RALGPS2: variants seen among roughly 807,000 people sequenced by gnomAD.
RALGPS2 encodes ras-specific guanine nucleotide-releasing factor RalGPS2.
In RALGPS2, 43 loss-of-function variants were observed where a neutral mutation model predicts 86.8. That is an observed-to-expected ratio of 0.50 (90% confidence interval 0.39 to 0.64). RALGPS2 has a LOEUF of 0.64. RALGPS2 is among the 30% of genes least tolerant of loss of function. RALGPS2 has a pLI of 0.00. For synonymous variants in RALGPS2, 243 were observed against 231.3 expected (o/e 1.05, Z -0.46); for missense variants, 536 against 694.6 (o/e 0.77, Z 2.57).
At chr1:178,866,994 A>AGGCC (rs1386632397) in intron 8 of RALGPS2, among the ~76,000 whole-genome samples, 1 of 152,104 alleles carries the variant, frequency 6.6e-6, no homozygotes, top group Non-Finnish European at 1.5e-5. Context: ...GGTCTATTAC[A>AGGCC]GGCCACCTTT....
chr1:178,742,847 A>T (rs1572275600), intron 1 of RALGPS2, among the ~76,000 whole-genome samples: 1 of 152,366 alleles, frequency 6.6e-6, no homozygotes, highest in South Asian at 2.1e-4. Flanking sequence ...ATTTTAAATA[A>T]TTTATGGTTC....
At chr1:178,726,929 G>A (rs74330471) in intron 1 of RALGPS2, among the ~76,000 whole-genome samples, 5,862 of 152,280 alleles carry the variant, frequency 0.038, 141 homozygotes, top group African/African-American at 0.064. Flanking sequence ...ATACACATAA[G>A]TGTATTACTC....
intron 1 of RALGPS2, among the ~76,000 whole-genome samples, chr1:178,733,806 G>A (rs534617310): frequency 5.3e-5 from 8 of 152,286 alleles, no homozygotes; most frequent in African/African-American, 1.7e-4. Context: ...CTTGGAATAG[G>A]TAAAGGATTC....
At chr1:178,769,016 A>G (rs757266700) in intron 1 of RALGPS2, among the ~76,000 whole-genome samples, 2 of 152,054 alleles carry the variant, frequency 1.3e-5, no homozygotes, top group Non-Finnish European at 2.9e-5. Context: ...AGGTGCTCCA[A>G]ATGCCTGGAG....
At chr1:178,789,224 A>T (rs1436852747) in intron 4 of RALGPS2, among the ~76,000 whole-genome samples, 4 of 152,154 alleles carry the variant, frequency 2.6e-5, no homozygotes, top group Non-Finnish European at 4.4e-5. Flanking sequence ...GCTCTTTGAT[A>T]CTGCTGACTA....
intron 6 of RALGPS2, among the ~76,000 whole-genome samples, chr1:178,820,461 G>T (rs1655442720): frequency 2.0e-5 from 3 of 152,076 alleles, no homozygotes; most frequent in African/African-American, 4.8e-5. Flanking sequence ...ATGCCTTTGT[G>T]CTTTTTGTAA....
intron 17 of RALGPS2, among the ~76,000 whole-genome samples, chr1:178,901,715 A>G (rs1351534484): frequency 6.6e-6 from 1 of 151,850 alleles, no homozygotes; most frequent in Non-Finnish European, 1.5e-5. Context: ...CTCTGATAGC[A>G]CTGCTGATTT....
At chr1:178,840,958 T>C (rs1044645099) in intron 8 of RALGPS2, among the ~76,000 whole-genome samples, 5 of 152,142 alleles carry the variant, frequency 3.3e-5, no homozygotes, top group African/African-American at 1.2e-4. Context: ...AGGAAGAAGT[T>C]GAATCCCTGA....
At chr1:178,739,205 G>A (rs549850172) in intron 1 of RALGPS2, among the ~76,000 whole-genome samples, 2 of 152,224 alleles carry the variant, frequency 1.3e-5, no homozygotes, top group East Asian at 1.9e-4. Context: ...AACATTTTGA[G>A]GATATCTTAT....
intron 1 of RALGPS2, among the ~76,000 whole-genome samples, chr1:178,736,461 C>G (rs1021364947): frequency 6.6e-6 from 1 of 152,068 alleles, no homozygotes; most frequent in Admixed American, 6.5e-5. Flanking sequence ...CTACACCCAG[C>G]CTTAATTTGC....
intron 10 of RALGPS2, among the ~76,000 whole-genome samples, chr1:178,881,784 C>A (rs558285828): frequency 5.9e-5 from 9 of 151,958 alleles, no homozygotes; most frequent in Non-Finnish European, 1.2e-4. Flanking sequence ...AGTGTGTTGC[C>A]TGAGCCTAAT....
chr1:178,806,126 C>T (rs1459057269), intron 4 of RALGPS2, among the ~76,000 whole-genome samples: 1 of 151,872 alleles, frequency 6.6e-6, no homozygotes, highest in Non-Finnish European at 1.5e-5. Context: ...TTTCCTGGGT[C>T]TCATATCTTC....
Position 178,886,011 on chromosome 1 carries a change from G to A in RALGPS2, c.1083G>A (p.Thr361=), listed in dbSNP as rs536678357. The A allele has an allele frequency of 2.2e-5, 35 of 1,611,798 alleles. No individual in the cohort carries two copies. The highest frequency in any genetic ancestry group is 1.8e-4 in the Admixed American group (11 of 59,620). ...KMNTAEFKSA[T]FPNAGPRHLL... is the part of the protein sequence containing the mutation. The stretch of plus-strand genomic sequence containing the variant: ...ACACAGCAGAATTTAAGAGTGCAAC[G>A]TTTCCAAATGCAGGACCAAGACATC... The change falls in exon 13 of 20, where the codon ACG becomes ACA. Residue 361 remains threonine, a synonymous_variant. Transcript: ENST00000367635.
chr1:178,856,411 T>TGTTTTTG (rs1415518537), intron 8 of RALGPS2, among the ~76,000 whole-genome samples: 1 of 111,240 alleles, frequency 9.0e-6, no homozygotes, highest in African/African-American at 3.9e-5. Context: ...TTTTTTTTTT[T>TGTTTTTG]TTTTTTTTTT....
intron 5 of RALGPS2, among the ~76,000 whole-genome samples, chr1:178,808,613 A>T (rs1247910243): frequency 2.6e-5 from 4 of 152,116 alleles, no homozygotes; most frequent in Non-Finnish European, 1.5e-5. Flanking sequence ...TGAATTTTGT[A>T]TCTTTGGCTT....
Position 178,873,824 on chromosome 1 carries a change from CAGA to C in RALGPS2, c.608-3670_608-3668del, listed in dbSNP as rs916549543. Among the ~76,000 whole-genome samples the C allele has an allele frequency of 6.6e-4, 101 of 152,304 alleles. 1 individual carries two copies. The highest frequency in any genetic ancestry group is 2.4e-3 in the African/African-American group (99 of 41,580). ...AGAAACAAAATAGACGAAGCAACCA[CAGA>C]AGACCATATTTTTAAATTTTATTTA... is the stretch of plus-strand genomic sequence containing the variant. On this transcript the variant is annotated intron_variant, in intron 8 of 19. Transcript: ENST00000367635.
At chr1:178,908,436 G>T (rs530275223) in intron 19 of RALGPS2, among the ~76,000 whole-genome samples, 1 of 152,226 alleles carries the variant, frequency 6.6e-6, no homozygotes, top group South Asian at 2.1e-4. Context: ...TTTCCTTTGG[G>T]TATATGCTCA....
At chr1:178,812,864 T>C (rs1655048998) in intron 6 of RALGPS2, among the ~76,000 whole-genome samples, 1 of 152,120 alleles carries the variant, frequency 6.6e-6, no homozygotes, top group Non-Finnish European at 1.5e-5. Context: ...TCTACAAATT[T>C]GATATTTTGC....
intron 8 of RALGPS2, among the ~76,000 whole-genome samples, chr1:178,837,260 G>A (rs1357739996): frequency 6.6e-6 from 1 of 152,014 alleles, no homozygotes; most frequent in African/African-American, 2.4e-5. Context: ...AACATTTTTA[G>A]GTACTAAAAT....
Sources: allele counts gnomAD v4.1 joint callset (sites outside exome capture counted in the v4.1 genomes callset), GRCh38; gene constraint gnomAD v4.1.1; transcripts MANE v1.5; gene names NCBI Gene and HGNC (gene_info 2026-07-23, HGNC 2026-07-21).